DEPDC5: variants seen among roughly 807,000 people sequenced by gnomAD.
The protein encoded by DEPDC5 is DEP domain containing 5, GATOR1 subcomplex subunit.
A neutral mutation model predicts 217.3 loss-of-function variants in DEPDC5; 73 were observed. The ratio of observed to expected loss-of-function variants is 0.34; its 90% CI spans 0.28 to 0.41. The LOEUF (loss-of-function observed/expected upper bound fraction) is 0.41, where lower values mean the gene tolerates loss of function less well. Ranked by LOEUF, DEPDC5 falls within the 10% of genes least tolerant of loss-of-function variation. The probability of loss-of-function intolerance (pLI) is 1.00; values close to 1 mark genes in which losing one functional copy is unlikely to be tolerated. For synonymous variants in DEPDC5, 733 were observed against 756.7 expected (o/e 0.97, Z 0.51); for missense variants, 1,675 against 2,070.1 (o/e 0.81, Z 3.70).
At chr22:31,902,890 C>T (rs1463660083) in intron 41 of DEPDC5, among the ~76,000 whole-genome samples, 2 of 152,052 alleles carry the variant, frequency 1.3e-5, no homozygotes, top group African/African-American at 4.8e-5. Flanking sequence ...TTCTAAGTAG[C>T]TCTTACCCTG....
chr22:31,901,075 T>C (rs1207395313), intron 40 of DEPDC5, among the ~76,000 whole-genome samples: 1 of 152,010 alleles, frequency 6.6e-6, no homozygotes, highest in Non-Finnish European at 1.5e-5. Context: ...AAACCCCGTC[T>C]CTACTTAAAA....
intron 10 of DEPDC5, among the ~76,000 whole-genome samples, chr22:31,787,919 T>C (rs2085184074): frequency 1.3e-5 from 2 of 151,200 alleles, no homozygotes; most frequent in African/African-American, 4.8e-5. Context: ...CCAGAAAATA[T>C]GTAGAACTTC....
chr22:31,893,535 C>A, intron 38 of DEPDC5, 47 bp from the exon 39 acceptor site: 2 of 1,456,136 alleles, frequency 1.4e-6, no homozygotes, highest in Non-Finnish European at 1.8e-6. Context: ...TTCTTCATCC[C>A]ACTCCTTTTC....
chr22:31,773,952 T>C (rs1415456960), intron 7 of DEPDC5, among the ~76,000 whole-genome samples: 2 of 151,900 alleles, frequency 1.3e-5, no homozygotes, highest in Non-Finnish European at 2.9e-5. Flanking sequence ...GCTCCTGTAA[T>C]CCCAGCTACT....
chr22:31,858,408 T>G (rs2092384902), intron 32 of DEPDC5: 1 of 152,206 alleles, frequency 6.6e-6, no homozygotes. Flanking sequence ...CAGCTCCTTC[T>G]GGGAAATTCA....
At chr22:31,824,689 C>T (rs988001501) in intron 24 of DEPDC5, among the ~76,000 whole-genome samples, 7 of 151,878 alleles carry the variant, frequency 4.6e-5, no homozygotes, top group African/African-American at 1.5e-4. Context: ...AATACCTAGC[C>T]GGGCACTGTG....
intron 31 of DEPDC5, among the ~76,000 whole-genome samples, chr22:31,849,987 C>T (rs560882305): frequency 3.6e-4 from 54 of 151,860 alleles, no homozygotes; most frequent in Non-Finnish European, 6.6e-4. Flanking sequence ...GGCATGGTGG[C>T]GCATGCCTGT....
intron 24 of DEPDC5, among the ~76,000 whole-genome samples, chr22:31,823,695 C>T: frequency 6.6e-6 from 1 of 152,072 alleles, no homozygotes; most frequent in East Asian, 1.9e-4. Context: ...TTTGGAAATA[C>T]TTTTATATCT....
intron 20 of DEPDC5, chr22:31,813,953 T>G: frequency 6.6e-6 from 1 of 152,210 alleles, no homozygotes; most frequent in South Asian, 2.1e-4. Context: ...ACCAACGTGG[T>G]GAAACCCCGT....
Position 31,901,816 on chromosome 22 carries a change from C to G in DEPDC5, c.4436+14C>G. 2 of 1,611,652 alleles carry G rather than the reference C, an allele frequency of 1.2e-6. No individual in the cohort carries two copies. The highest frequency in any genetic ancestry group is 8.5e-7 in the Non-Finnish European group (1 of 1,178,504). On this transcript the variant is annotated intron_variant, in intron 41 of 42. Transcript: ENST00000651528. ...CATTGCACACAGGTTTGTCCCTTAG[C>G]AAGTGTGAAGAGTGGGAAGGAAATC...
chr22:31,874,440 C>T, intron 36 of DEPDC5, 35 bp downstream of exon 36: 1 of 1,576,382 alleles, frequency 6.3e-7, no homozygotes, highest in Non-Finnish European at 8.6e-7. Flanking sequence ...GAGCTGTTTG[C>T]TTAGGTCCCG....
chr22:31,755,134 G>A (rs1488365275), intron 2 of DEPDC5, 155 bp downstream of exon 2: 1 of 758,734 alleles, frequency 1.3e-6, no homozygotes, highest in Non-Finnish European at 2.2e-6. Flanking sequence ...ACAATAGGAG[G>A]ATGGCAGGAC....
chr22:31,756,880 C>G (rs2081981130), intron 2 of DEPDC5, among the ~76,000 whole-genome samples: 1 of 151,508 alleles, frequency 6.6e-6, no homozygotes, highest in Admixed American at 6.6e-5. Context: ...GAGATCATGC[C>G]ACTACACTCC....
At chr22:31,898,834 CTG>C (rs1467671190) in intron 40 of DEPDC5, among the ~76,000 whole-genome samples, 2 of 152,240 alleles carry the variant, frequency 1.3e-5, no homozygotes, top group African/African-American at 2.4e-5. Flanking sequence ...GGGCTATAGA[CTG>C]TGGGACACAC....
intron 36 of DEPDC5, chr22:31,875,659 G>GTC (rs1226636490): frequency 1.6e-5 from 2 of 124,632 alleles, no homozygotes; most frequent in Non-Finnish European, 3.2e-5. Context: ...TTGAGACAGA[G>GTC]TCTCACTTCG....
intron 8 of DEPDC5, among the ~76,000 whole-genome samples, chr22:31,779,518 C>T (rs1197519299): frequency 1.3e-5 from 2 of 152,124 alleles, no homozygotes; most frequent in East Asian, 1.9e-4. Context: ...AGGCAGGTTC[C>T]AGCCAGTTCA....
At chr22:31,862,419 G>A (rs1288139814) in intron 33 of DEPDC5, among the ~76,000 whole-genome samples, 3 of 151,920 alleles carry the variant, frequency 2.0e-5, no homozygotes, top group Non-Finnish European at 2.9e-5. Context: ...GCAAAAAGTA[G>A]TCGGGCATGG....
intron 12 of DEPDC5, among the ~76,000 whole-genome samples, chr22:31,796,571 C>T (rs1370949758): frequency 6.6e-6 from 1 of 152,104 alleles, no homozygotes; most frequent in Non-Finnish European, 1.5e-5. Context: ...GAAATGGAGC[C>T]ATTAGGTCAA....
intron 38 of DEPDC5, among the ~76,000 whole-genome samples, chr22:31,887,492 T>C (rs966045149): frequency 1.3e-5 from 2 of 151,514 alleles, no homozygotes; most frequent in Non-Finnish European, 2.9e-5. Flanking sequence ...AGAGAGGGTT[T>C]ATGTCCATAG....
Sources: allele counts gnomAD v4.1 joint callset (sites outside exome capture counted in the v4.1 genomes callset), GRCh38; gene constraint gnomAD v4.1.1; transcripts MANE v1.5; gene names NCBI Gene and HGNC (gene_info 2026-07-23, HGNC 2026-07-21).